Variants in ACYP2 observed in about 807,000 individuals in gnomAD.
The protein encoded by ACYP2 is acylphosphatase-2.
ACYP2 carries 12 observed loss-of-function variants against 11.2 expected under a neutral mutation model. That is an observed-to-expected ratio of 1.08 (90% CI 0.69 to 1.74). The LOEUF is 1.74. Among genes scored for constraint, ACYP2 ranks in the 40% most tolerant of loss-of-function variants. The pLI, the probability that ACYP2 is intolerant of heterozygous loss-of-function variation, is 0.00. For missense variants in ACYP2, 134 were observed against 101.9 expected (o/e 1.31, Z -1.35); for synonymous variants, 43 against 32.2 (o/e 1.33, Z -1.13).
intron 4 of ACYP2, among the ~76,000 whole-genome samples, chr2:54,131,404 CGTTG>C: frequency 6.6e-6 from 1 of 152,276 alleles, no homozygotes; most frequent in African/African-American, 2.4e-5. Context: ...GTTGAAAGGA[CGTTG>C]CTCTTCACTG....
In ACYP2 at chr2:54,042,384, G is replaced by A. The variant is rs150082009; in HGVS notation, c.63-8574G>A. On this transcript the variant is annotated intron_variant, in intron 2 of 6. Coordinates refer to ENST00000607452, the MANE Select transcript of ACYP2 (RefSeq NM_001320586.2). ...AGCTTGGTGTTAAGCTATAAACGTT[G>A]CTCTTGGCTCAGAATAATTTAAGAG... is the stretch of plus-strand genomic sequence containing the variant. 4.3e-3 allele frequency among the ~76,000 whole-genome samples: 650 copies of A among 152,304 alleles called. 7 individuals carry two copies. Among genetic ancestry groups the A allele is most frequent in the African/African-American group, 0.015 (621 of 41,566 alleles).
intron 2 of ACYP2, among the ~76,000 whole-genome samples, chr2:54,007,138 C>CAAAAAAAAAAA (rs70944145): frequency 7.7e-4 from 40 of 52,200 alleles, no homozygotes; most frequent in Non-Finnish European, 1.1e-3. Context: ...GACTCTGTGT[C>CAAAAAAAAAAA]AAAAAAAAAA....
At position 54,058,072 on chromosome 2, in the gene ACYP2, A is replaced by C. The variant is rs193195185; in HGVS notation, c.277+712A>C. Among the ~76,000 whole-genome samples, 185 of 152,274 alleles carry C rather than the reference A, an allele frequency of 1.2e-3. 1 individual carries two copies. The highest frequency in any genetic ancestry group is 4.2e-3 in the African/African-American group (176 of 41,562). On this transcript the variant is annotated intron_variant, in intron 4 of 6. Coordinates refer to ENST00000607452, the MANE Select transcript of ACYP2 (RefSeq NM_001320586.2). The stretch of plus-strand genomic sequence containing the variant: ...TTGAAAATTCAAGTATTGGTCCCTG[A>C]GGGAGGTAGGGCATATGAAGCAATG...
intron 4 of ACYP2, among the ~76,000 whole-genome samples, chr2:54,088,630 G>A (rs1193526959): frequency 2.0e-5 from 3 of 152,200 alleles, no homozygotes; most frequent in East Asian, 3.9e-4. Flanking sequence ...AAGCTGCACA[G>A]GAAGAAGAAT....
intron 4 of ACYP2, among the ~76,000 whole-genome samples, chr2:54,063,290 T>G (rs1676565401): frequency 6.6e-6 from 1 of 152,148 alleles, no homozygotes; most frequent in African/African-American, 2.4e-5. Flanking sequence ...CTGGCCATAA[T>G]AATAATTATT....
chr2:54,043,320 G>A (rs1675346126), intron 2 of ACYP2, among the ~76,000 whole-genome samples: 1 of 152,114 alleles, frequency 6.6e-6, no homozygotes, highest in Admixed American at 6.5e-5. Flanking sequence ...TTCTCAACAG[G>A]GGCAGGACCA....
chr2:54,235,801 T>C (rs1300745616), intron 6 of ACYP2, among the ~76,000 whole-genome samples: 1 of 152,196 alleles, frequency 6.6e-6, no homozygotes, highest in Non-Finnish European at 1.5e-5. Flanking sequence ...GTAATATGCA[T>C]GCAGCATGAG....
chr2:54,020,913 T>A (rs1673973955), intron 2 of ACYP2, among the ~76,000 whole-genome samples: 1 of 152,174 alleles, frequency 6.6e-6, no homozygotes, highest in South Asian at 2.1e-4. Context: ...TTAAAATAAA[T>A]TTTCAGTGCC....
At chr2:54,299,395 C>T (rs985768575) in intron 6 of ACYP2, among the ~76,000 whole-genome samples, 9 of 151,718 alleles carry the variant, frequency 5.9e-5, no homozygotes, top group Admixed American at 3.3e-4. Flanking sequence ...AGTTTGAGAG[C>T]GGCCTGACCA....
intron 2 of ACYP2, among the ~76,000 whole-genome samples, chr2:54,002,234 A>G (rs946260283): frequency 3.9e-5 from 6 of 152,174 alleles, no homozygotes; most frequent in African/African-American, 4.8e-5. Flanking sequence ...CTTTTCCAGA[A>G]TGTTATACAG....
At position 54,197,949 on chromosome 2, in the gene ACYP2, ATTGTATTGTATTGTATTG is replaced by A. The variant is rs1684574414; in HGVS notation, c.404+59203_404+59220del. On this transcript the variant is annotated intron_variant, in intron 6 of 6. Transcript: ENST00000607452. ...TTTATTTATGTATGTATTATATTGTATTGTATTGTATTGTATTGTATTGTATTGTATTGTATTGTATTG... is the reference window on the plus strand; with the variant it reads ...TTTATTTATGTATGTATTATATTGTATATTGTATTGTATTGTATTGTATTG... 1.2e-4 allele frequency among the ~76,000 whole-genome samples: 2 copies of A among 17,044 alleles called. 1 individual carries two copies. Among genetic ancestry groups the A allele is most frequent in the African/African-American group, 6.2e-4 (2 of 3,238 alleles). 11.2% of individuals were successfully genotyped at this position (17,044 alleles called of 152,430 possible). A position where few individuals can be genotyped will look rare whatever the true frequency, so the allele number is the denominator to read the frequency against.
intron 4 of ACYP2, among the ~76,000 whole-genome samples, chr2:54,100,856 G>A (rs559855744): frequency 6.6e-6 from 1 of 152,246 alleles, no homozygotes; most frequent in Non-Finnish European, 1.5e-5. Flanking sequence ...GGCTGGAACA[G>A]TCAACTCAAG....
At chr2:54,171,179 G>A (rs900222562) in intron 6 of ACYP2, among the ~76,000 whole-genome samples, 3 of 152,134 alleles carry the variant, frequency 2.0e-5, no homozygotes, top group East Asian at 1.9e-4. Context: ...TGCGCAAGCC[G>A]GAGTGCACAT....
In ACYP2 at chr2:53,973,747, C is replaced by T. The variant is rs1671295358; in HGVS notation, c.-2C>T. 5.9e-6 allele frequency: 2 copies of T among 336,276 alleles called. No homozygotes were observed. The highest frequency in any genetic ancestry group is 8.0e-4 in the Middle Eastern group (1 of 1,250). 20.8% of individuals were successfully genotyped at this position (336,276 alleles called of 1,614,324 possible). A position where few individuals can be genotyped will look rare whatever the true frequency, so the allele number is the denominator to read the frequency against. On this transcript the variant is annotated 5_prime_UTR_variant, in exon 2 of 7. Coordinates refer to ENST00000607452, the MANE Select transcript of ACYP2 (RefSeq NM_001320586.2). ...GCCTGCACCCAGGTGAAATAAACAGCCATGTTGCTCACACAAAGCCTGTTT... is the reference window on the plus strand; with the variant it reads ...GCCTGCACCCAGGTGAAATAAACAGTCATGTTGCTCACACAAAGCCTGTTT...
intron 6 of ACYP2, among the ~76,000 whole-genome samples, chr2:54,236,621 G>A (rs1407631054): frequency 6.6e-6 from 1 of 152,110 alleles, no homozygotes; most frequent in Non-Finnish European, 1.5e-5. Context: ...TTTTGATAAT[G>A]ATCTATGCAT....
chr2:54,255,955 T>A (rs758119019), intron 6 of ACYP2: 27 of 1,613,940 alleles, frequency 1.7e-5, no homozygotes, highest in Non-Finnish European at 2.0e-5. Context: ...ATGGCCACCA[T>A]CTGCGGGATC....
chr2:54,182,408 C>T (rs1683782619), intron 6 of ACYP2, among the ~76,000 whole-genome samples: 1 of 152,134 alleles, frequency 6.6e-6, no homozygotes, highest in Non-Finnish European at 1.5e-5. Flanking sequence ...GTTGCACAAT[C>T]ATGGTTCACT....
intron 6 of ACYP2, among the ~76,000 whole-genome samples, chr2:54,202,241 T>C (rs1408527773): frequency 6.6e-6 from 1 of 152,034 alleles, no homozygotes; most frequent in African/African-American, 2.4e-5. Context: ...CCCAAGTAGC[T>C]GGGACTACAG....
intron 4 of ACYP2, among the ~76,000 whole-genome samples, chr2:54,078,400 TATATGCGTACC>T (rs1677458198): frequency 8.9e-6 from 1 of 111,830 alleles, no homozygotes. Context: ...AAATCATATA[TATATGCGTACC>T]ATATATGGTA....
Sources: allele counts gnomAD v4.1 joint callset (sites outside exome capture counted in the v4.1 genomes callset), GRCh38; gene constraint gnomAD v4.1.1; transcripts MANE v1.5; gene names NCBI Gene and HGNC (gene_info 2026-07-23, HGNC 2026-07-21).